ACRV1: variants seen among roughly 807,000 people sequenced by gnomAD.
ACRV1 encodes the protein acrosomal protein SP-10.
In ACRV1, 17 loss-of-function variants were observed where a neutral mutation model predicts 29.2. That is an observed-to-expected ratio of 0.58 (90% CI 0.40 to 0.87). ACRV1 has a LOEUF of 0.87. ACRV1 is among the 40% of genes least tolerant of loss of function. The probability of loss-of-function intolerance (pLI) is 0.00; values close to 1 mark genes in which losing one functional copy is unlikely to be tolerated. For synonymous variants in ACRV1, 98 were observed against 111.6 expected (o/e 0.88, Z 0.77); for missense variants, 294 against 316.0 (o/e 0.93, Z 0.53).
chr11:125,678,443 A>G (rs1377361229), intron 1 of ACRV1, 146 bp from the exon 2 acceptor site: 13 of 943,954 alleles, frequency 1.4e-5, no homozygotes, highest in Non-Finnish European at 1.9e-5. Context: ...AGATGTTGGG[A>G]AAAATCAACT....
In ACRV1 at chr11:125,677,796, C is replaced by T. The variant is rs373276142; in HGVS notation, c.553+1G>A. 6 of 1,614,002 alleles carry T rather than the reference C, an allele frequency of 3.7e-6. No homozygotes were observed. Among genetic ancestry groups the T allele is most frequent in the African/African-American group, 1.3e-5 (1 of 74,936 alleles). On this transcript the variant is annotated splice_donor_variant, in intron 2 of 3. Transcript: ENST00000533904. LOFTEE classifies it high-confidence loss of function. ...CTGGCACCCATCCAAACATGGCTCA[C>T]CTGTAGATGTGCTTGAAATTGGTGC...
chr11:125,678,869 G>A (rs954671687), intron 1 of ACRV1, among the ~76,000 whole-genome samples: 2 of 150,816 alleles, frequency 1.3e-5, no homozygotes, highest in African/African-American at 4.9e-5. Context: ...CCTGTATTTG[G>A]TAATGTCAAG....
rs1942233463 is a variant in ACRV1, at chr11:125,672,432, T to C, written c.*161A>G. Reference sequence around the variant, plus strand: ...GGACAGAGAAGAATGGATAAAAGCATGAATAGAAGAAGAAAGATAGGATGT... The same window carrying C: ...GGACAGAGAAGAATGGATAAAAGCACGAATAGAAGAAGAAAGATAGGATGT... On this transcript the variant is annotated 3_prime_UTR_variant, in exon 4 of 4. Coordinates refer to ENST00000533904, the MANE Select transcript of ACRV1 (RefSeq NM_001612.6). The C allele has an allele frequency of 5.2e-6, 4 of 768,914 alleles. No individual in the cohort carries two copies. The highest frequency in any genetic ancestry group is 8.3e-6 in the Non-Finnish European group (4 of 482,930). 47.6% of individuals were successfully genotyped at this position (768,914 alleles called of 1,614,324 possible). A position where few individuals can be genotyped will look rare whatever the true frequency, so the allele number is the denominator to read the frequency against.
rs758100709 is a variant in ACRV1, at chr11:125,678,277, C to T, written c.73G>A (p.Glu25Lys). 3.7e-6 allele frequency: 6 copies of T among 1,613,920 alleles called. No individual in the cohort carries two copies. The East Asian group carries it at 6.7e-5, about 18-fold the overall frequency. Residue 25 changes from glutamate to lysine, a missense_variant, in exon 2 of 4, where the codon GAG becomes AAG. By Grantham distance (56) the Glu-to-Lys change is moderately conservative. Coordinates refer to ENST00000533904, the MANE Select transcript of ACRV1 (RefSeq NM_001612.6). The stretch of plus-strand genomic sequence containing the variant: ...TGATGATCTATGGAGCCAGAAAGCT[C>T]ATTAGGCTGACTTGATGTTCCTGGG... ...SARGTSSQPN[E>K]LSGSIDHQTS...
In ACRV1 at chr11:125,680,832, A is replaced by C; in HGVS notation, c.-52T>G. On this transcript the variant is annotated 5_prime_UTR_variant, in exon 1 of 4. Coordinates refer to ENST00000533904, the MANE Select transcript of ACRV1 (RefSeq NM_001612.6). ...AGTGTGGGCCACAGCTTCTTCACAG[A>C]GCTATGAAGCAAACTGCGAGCAAAA... is the stretch of plus-strand genomic sequence containing the variant. 6.7e-7 allele frequency: 1 copy of C among 1,491,852 alleles called. No homozygotes were observed. 92.4% of individuals were successfully genotyped at this position (1,491,852 alleles called of 1,614,324 possible).
At chr11:125,679,167 A>G (rs1364015542) in intron 1 of ACRV1, among the ~76,000 whole-genome samples, 2 of 142,220 alleles carry the variant, frequency 1.4e-5, no homozygotes, top group African/African-American at 2.6e-5. Flanking sequence ...AAACTCTTAC[A>G]TGGTTATTTT....
intron 3 of ACRV1, among the ~76,000 whole-genome samples, chr11:125,673,833 A>G (rs11220182): frequency 0.12 from 18,084 of 151,938 alleles, 1,283 homozygotes; most frequent in Admixed American, 0.23. Flanking sequence ...TCTACTTGCA[A>G]TCTAGTTTGT....
Position 125,672,431 on chromosome 11 carries a change from A to T in ACRV1, c.*162T>A. ...AGGACAGAGAAGAATGGATAAAAGC[A>T]TGAATAGAAGAAGAAAGATAGGATG... On this transcript the variant is annotated 3_prime_UTR_variant, in exon 4 of 4. Coordinates refer to ENST00000533904, the MANE Select transcript of ACRV1 (RefSeq NM_001612.6). 1.3e-6 allele frequency: 1 copy of T among 771,790 alleles called. No individual in the cohort carries two copies. Among genetic ancestry groups the T allele is most frequent in the South Asian group, 1.9e-5 (1 of 53,308 alleles). 47.8% of individuals were successfully genotyped at this position (771,790 alleles called of 1,614,324 possible). A position where few individuals can be genotyped will look rare whatever the true frequency, so the allele number is the denominator to read the frequency against.
At chr11:125,676,062 C>G (rs1049940216) in intron 3 of ACRV1, 3 of 251,794 alleles carry the variant, frequency 1.2e-5, no homozygotes, top group African/African-American at 6.6e-5. Context: ...TGCCCACCAC[C>G]ACACCTGGCT....
At position 125,676,441 on chromosome 11, in the gene ACRV1, A is replaced by T; in HGVS notation, c.591T>A (p.Asn197Lys). ...CTCCACGAAGACATTTTCCTTGATC[A>T]TTCATATAAGCACATGTGTAGCAAT... is the stretch of plus-strand genomic sequence containing the variant. ...ILNCYTCAYM[N>K]DQGKCLRGEG... The change falls in exon 3 of 4, where the codon AAT (asparagine) becomes AAA (lysine). Residue 197 changes from asparagine to lysine, a missense_variant. Coordinates refer to ENST00000533904, the MANE Select transcript of ACRV1 (RefSeq NM_001612.6). 6.2e-7 allele frequency: 1 copy of T among 1,614,162 alleles called. No individual in the cohort carries two copies. The highest frequency in any genetic ancestry group is 8.5e-7 in the Non-Finnish European group (1 of 1,180,002).
chr11:125,674,320 T>A (rs1464518561), intron 3 of ACRV1, among the ~76,000 whole-genome samples: 1 of 152,166 alleles, frequency 6.6e-6, no homozygotes, highest in Non-Finnish European at 1.5e-5. Context: ...GTATTTTGAT[T>A]AAGGGGGGCA....
In ACRV1 at chr11:125,672,503, G is replaced by T; in HGVS notation, c.*90C>A. ...GCAGAGGCAGATGTGGTCAGTTGTT[G>T]ACTGGGGAAGGAACTAAATATAAAA... is the stretch of plus-strand genomic sequence containing the variant. On this transcript the variant is annotated 3_prime_UTR_variant, in exon 4 of 4. Coordinates refer to ENST00000533904, the MANE Select transcript of ACRV1 (RefSeq NM_001612.6). 6.7e-7 allele frequency: 1 copy of T among 1,498,806 alleles called. No homozygotes were observed. Among genetic ancestry groups the T allele is most frequent in the Non-Finnish European group, 9.1e-7 (1 of 1,102,490 alleles). The allele number at this position is 1,498,806 out of a possible 1,614,324, so 92.8% of individuals were successfully genotyped here.
At chr11:125,673,428 C>G (rs912312144) in intron 3 of ACRV1, among the ~76,000 whole-genome samples, 2 of 151,968 alleles carry the variant, frequency 1.3e-5, no homozygotes, top group African/African-American at 4.8e-5. Context: ...GTCTCGATCT[C>G]CTGACCTTGT....
Position 125,680,629 on chromosome 11 carries a change from G to C in ACRV1, c.52+100C>G, listed in dbSNP as rs963396573. On this transcript the variant is annotated intron_variant, in intron 1 of 3. Coordinates refer to ENST00000533904, the MANE Select transcript of ACRV1 (RefSeq NM_001612.6). ...GCTGCTCTTGATTCTGACTCAGATT[G>C]GTTTGGGTGACTGAGAGACTGGTCT... is the stretch of plus-strand genomic sequence containing the variant. 83 of 1,054,402 alleles carry C rather than the reference G, an allele frequency of 7.9e-5. 1 individual carries two copies. The Admixed American group carries it at 1.4e-3, about 17-fold the overall frequency. 65.3% of individuals were successfully genotyped at this position (1,054,402 alleles called of 1,614,324 possible). A position where few individuals can be genotyped will look rare whatever the true frequency, so the allele number is the denominator to read the frequency against.
chr11:125,673,094 G>T (rs530965719), intron 3 of ACRV1, among the ~76,000 whole-genome samples: 1 of 150,832 alleles, frequency 6.6e-6, no homozygotes, highest in Non-Finnish European at 1.5e-5. Context: ...CTACTATGCC[G>T]AAACCTCTCT....
intron 1 of ACRV1, among the ~76,000 whole-genome samples, chr11:125,680,040 C>A (rs932928165): frequency 1.3e-5 from 2 of 152,212 alleles, no homozygotes; most frequent in Non-Finnish European, 2.9e-5. Context: ...CTGGCACATA[C>A]TATCACCTGG....
At chr11:125,676,687 T>C (rs1303891708) in intron 2 of ACRV1, among the ~76,000 whole-genome samples, 2 of 151,852 alleles carry the variant, frequency 1.3e-5, no homozygotes, top group African/African-American at 4.8e-5. Flanking sequence ...TCATTGCTGA[T>C]GAATCCCAAA....
rs777441907 is a variant in ACRV1 at position 125,677,767 on chromosome 11, ATGAC to A, written c.553+26_553+29del. 4 of 1,608,136 alleles carry A rather than the reference ATGAC, an allele frequency of 2.5e-6. No homozygotes were observed. In the Admixed American group the frequency reaches 5.0e-5, roughly 20 times the overall value. ...GTTCCCCATTTCCCACCTGAAGTCA[ATGAC>A]TGGCACCCATCCAAACATGGCTCAC... On this transcript the variant is annotated intron_variant, in intron 2 of 3. Transcript: ENST00000533904.
chr11:125,678,729 A>C (rs1942639520), intron 1 of ACRV1, among the ~76,000 whole-genome samples: 1 of 152,000 alleles, frequency 6.6e-6, no homozygotes, highest in Non-Finnish European at 1.5e-5. Context: ...TAGAGATAGA[A>C]GAGGGAGAGA....
Sources: allele counts gnomAD v4.1 joint callset (sites outside exome capture counted in the v4.1 genomes callset), GRCh38; gene constraint gnomAD v4.1.1; transcripts MANE v1.5; gene names NCBI Gene and HGNC (gene_info 2026-07-23, HGNC 2026-07-21).